Variants in PRPH2 observed in about 807,000 individuals in gnomAD.
PRPH2 encodes the protein peripherin-2.
A neutral mutation model predicts 31.3 loss-of-function variants in PRPH2; 17 were observed. That is an observed-to-expected ratio of 0.54 (90% CI 0.37 to 0.81). The LOEUF is 0.81. Ranked by LOEUF, PRPH2 falls within the 40% of genes least tolerant of loss-of-function variation. PRPH2 has a pLI of 0.00. For missense variants in PRPH2, 430 were observed against 439.7 expected (o/e 0.98, Z 0.20); for synonymous variants, 165 against 184.4 (o/e 0.89, Z 0.85).
At chr6:42,703,781 T>A (rs747775170) in intron 2 of PRPH2, among the ~76,000 whole-genome samples, 1 of 152,120 alleles carries the variant, frequency 6.6e-6, no homozygotes. Context: ...CCAAATTGTT[T>A]ACCTTTTATA....
At chr6:42,701,813 G>A (rs1800051322) in intron 2 of PRPH2, among the ~76,000 whole-genome samples, 2 of 148,410 alleles carry the variant, frequency 1.3e-5, no homozygotes, top group African/African-American at 5.0e-5. Flanking sequence ...TTCTTTTTGT[G>A]TGTTTTCAGG....
intron 1 of PRPH2, among the ~76,000 whole-genome samples, chr6:42,710,518 GGCTCCTC>G (rs1363510150): frequency 6.6e-6 from 1 of 152,268 alleles, no homozygotes; most frequent in African/African-American, 2.4e-5. Flanking sequence ...CACAGATTAA[GGCTCCTC>G]TCACCCTCTT....
In PRPH2 at chr6:42,722,087, T is replaced by A; in HGVS notation, c.248A>T (p.Tyr83Phe). The change falls in exon 1 of 3, where the codon TAC becomes TTC. Residue 83 changes from tyrosine to phenylalanine, a missense_variant. Coordinates refer to ENST00000230381, the MANE Select transcript of PRPH2 (RefSeq NM_000322.5). This position sits in a 1 kb window ranked among gnomAD's most constrained non-coding sequence, Gnocchi z 4.4. ...VFNSLAGKIC[Y>F]DALDPAKYAR... The stretch of plus-strand genomic sequence containing the variant: ...ATACTTGGCTGGGTCCAGGGCGTCG[T>A]AGCAGATCTTCCCAGCCAGCGAGTT... The A allele has an allele frequency of 6.2e-7, 1 of 1,614,166 alleles. No homozygotes were observed. Among genetic ancestry groups the A allele is most frequent in the South Asian group, 1.1e-5 (1 of 91,086 alleles).
intron 2 of PRPH2, among the ~76,000 whole-genome samples, chr6:42,699,284 G>A (rs1270224863): frequency 2.0e-5 from 3 of 151,524 alleles, no homozygotes; most frequent in Non-Finnish European, 2.9e-5. Flanking sequence ...AGCTGGCCTC[G>A]AACTCCTGGC....
chr6:42,710,914 G>T lies in PRPH2; in HGVS notation c.582-6303C>A, dbSNP rs577531951. On this transcript the variant is annotated intron_variant, in intron 1 of 2. Coordinates refer to ENST00000230381, the MANE Select transcript of PRPH2 (RefSeq NM_000322.5). ...CCTTGAGAACTGGCCTAACCTCTCT[G>T]AGCCTGAGTTTTCTCATCTAAGAAA... Among the ~76,000 whole-genome samples, 5 of 152,352 alleles carry T rather than the reference G, an allele frequency of 3.3e-5. No homozygotes were observed. In the South Asian group the frequency reaches 1.0e-3, roughly 32 times the overall value.
At chr6:42,704,114 A>T (rs9394919) in intron 2 of PRPH2, among the ~76,000 whole-genome samples, 7 of 129,830 alleles carry the variant, frequency 5.4e-5, no homozygotes, top group Admixed American at 1.6e-4. Context: ...TAAAAAAAAA[A>T]TAAAAAAAAT....
chr6:42,721,665 G>C, intron 1 of PRPH2, 89 bp downstream of exon 1: 1 of 1,470,494 alleles, frequency 6.8e-7, no homozygotes, highest in Non-Finnish European at 9.5e-7. Flanking sequence ...AAAAGGCACT[G>C]GGTGCGGGGA....
chr6:42,709,411 C>T (rs1343597981), intron 1 of PRPH2, among the ~76,000 whole-genome samples: 2 of 151,944 alleles, frequency 1.3e-5, no homozygotes, highest in Admixed American at 6.6e-5. Flanking sequence ...CCCCACCTCC[C>T]TTGTCCCTCC....
At chr6:42,720,601 G>T (rs1293222202) in intron 1 of PRPH2, among the ~76,000 whole-genome samples, 1 of 152,160 alleles carries the variant, frequency 6.6e-6, no homozygotes, top group African/African-American at 2.4e-5. Context: ...ATATAAGCTA[G>T]CTATTTGGGC....
intron 1 of PRPH2, among the ~76,000 whole-genome samples, chr6:42,709,060 G>T (rs1800225674): frequency 6.6e-6 from 1 of 152,174 alleles, no homozygotes; most frequent in African/African-American, 2.4e-5. Context: ...GCCGGGCGCG[G>T]TGGCTCACGC....
rs1252157060 is a variant in PRPH2 at position 42,698,455 on chromosome 6, G to A, written c.881C>T (p.Ser294Phe). Reference protein sequence around the residue: ...RYLQTSLDGVSNPEESESESQ... With the variant: ...RYLQTSLDGVFNPEESESESQ... ...CTCGCTCTCAGATTCCTCGGGGTTG[G>A]ACACACCATCCAGCGACGTCTGTAG... Residue 294 changes from serine to phenylalanine, a missense_variant, in exon 3 of 3, where the codon TCC (serine) becomes TTC (phenylalanine). By Grantham distance (155) the Ser-to-Phe change is radical. Transcript: ENST00000230381. 1.2e-6 allele frequency: 2 copies of A among 1,614,146 alleles called. No homozygotes were observed. The highest frequency in any genetic ancestry group is 1.7e-6 in the Non-Finnish European group (2 of 1,180,012).
Position 42,698,347 on chromosome 6 carries a change from T to G in PRPH2, c.989A>C (p.Asn330Thr). 1 of 1,613,888 alleles carries G rather than the reference T, an allele frequency of 6.2e-7. No individual in the cohort carries two copies. ...GTCTGCGCCCTCGGCTTCCACCTGG[T>G]TGCCCTTGCCCAGCTTCTTCACACT... ...LESVKKLGKGNQVEAEGADAG... is the reference protein window; with the variant it reads ...LESVKKLGKGTQVEAEGADAG... Residue 330 changes from asparagine (N) to threonine (T), a missense_variant, in exon 3 of 3, where the codon AAC becomes ACC. Physicochemically the swap from Asn to Thr is moderately conservative, Grantham distance 65. Transcript: ENST00000230381.
Position 42,704,373 on chromosome 6 carries a change from G to A in PRPH2, c.820C>T (p.Leu274Phe), listed in dbSNP as rs540170045. 5 of 1,608,750 alleles carry A rather than the reference G, an allele frequency of 3.1e-6. No homozygotes were observed. The South Asian group carries it at 3.3e-5, about 11-fold the overall frequency. The change falls in exon 2 of 3, where the codon CTC (leucine) becomes TTC (phenylalanine). Residue 274 changes from leucine (L) to phenylalanine (F), a missense_variant. Leu to Phe is a conservative substitution (Grantham distance 22). Coordinates refer to ENST00000230381, the MANE Select transcript of PRPH2 (RefSeq NM_000322.5). ...SMGVVTLLIW[L>F]FEVTITIGLR... ...GCTGGCCCAGGGCCTACCTCGAAGA[G>A]CCAAATGAGGAGCGTGACGACACCC...
At chr6:42,698,554 G>C in intron 2 of PRPH2, 47 bp from the exon 3 acceptor site, 1 of 1,611,164 alleles carries the variant, frequency 6.2e-7, no homozygotes, top group Admixed American at 1.7e-5. Flanking sequence ...AGAATCGCTG[G>C]GAGCTGGACC....
chr6:42,713,836 C>A (rs1159743332), intron 1 of PRPH2, among the ~76,000 whole-genome samples: 1 of 145,330 alleles, frequency 6.9e-6, no homozygotes, highest in Admixed American at 7.2e-5. Flanking sequence ...AGGAGAATCG[C>A]TTGAACCCGG....
Position 42,722,422 on chromosome 6 carries a change from G to A in PRPH2, c.-88C>T, listed in dbSNP as rs2152011212. The A allele has an allele frequency of 4.4e-6, 7 of 1,573,052 alleles. No individual in the cohort carries two copies. The East Asian group carries it at 1.6e-4, about 36-fold the overall frequency. ...CCCAGAGGCGGAGACTTAGGGCCTT[G>A]GGAAAAGTGCAGATGGCCCAAGCTG... On this transcript the variant is annotated 5_prime_UTR_variant, in exon 1 of 3. Transcript: ENST00000230381. This position sits in a 1 kb window ranked among gnomAD's most constrained non-coding sequence, Gnocchi z 4.4.
chr6:42,698,471 A>C lies in PRPH2; in HGVS notation c.865T>G (p.Ser289Ala). ...TCGGGGTTGGACACACCATCCAGCGACGTCTGTAGGTAGCGCAGCCCAATT... is the reference window on the plus strand; with the variant it reads ...TCGGGGTTGGACACACCATCCAGCGCCGTCTGTAGGTAGCGCAGCCCAATT... ...ITIGLRYLQT[S>A]LDGVSNPEES... The change falls in exon 3 of 3, where the codon TCG (serine) becomes GCG (alanine). Residue 289 changes from serine (S) to alanine (A), a missense_variant. Physicochemically the swap from Ser to Ala is moderately conservative, Grantham distance 99 (BLOSUM62 1). Transcript: ENST00000230381. 1.2e-6 allele frequency: 2 copies of C among 1,614,146 alleles called. No individual in the cohort carries two copies. The highest frequency in any genetic ancestry group is 8.5e-7 in the Non-Finnish European group (1 of 1,180,030).
intron 1 of PRPH2, among the ~76,000 whole-genome samples, chr6:42,710,540 C>T (rs1800256108): frequency 6.6e-6 from 1 of 152,160 alleles, no homozygotes; most frequent in East Asian, 1.9e-4. Context: ...CCTCTTAAGA[C>T]AAAGCCAGGC....
At chr6:42,706,763 T>A (rs1800171965) in intron 1 of PRPH2, among the ~76,000 whole-genome samples, 1 of 152,174 alleles carries the variant, frequency 6.6e-6, no homozygotes, top group Non-Finnish European at 1.5e-5. Flanking sequence ...TGCTTCTAAA[T>A]AAAATCTCTT....
Sources: allele counts gnomAD v4.1 joint callset (sites outside exome capture counted in the v4.1 genomes callset), GRCh38; gene constraint gnomAD v4.1.1; non-coding constraint Gnocchi (gnomAD v3.1); transcripts MANE v1.5; gene names NCBI Gene and HGNC (gene_info 2026-07-23, HGNC 2026-07-21).